The following CPNE3 variants were observed in gnomAD, a reference collection of about 807,000 sequenced individuals.
CPNE3 encodes the protein copine 3.
Under a neutral mutation model 63.9 loss-of-function variants are expected in CPNE3, and 68 were observed. That is an observed-to-expected ratio of 1.06 (90% CI 0.87 to 1.30). The LOEUF is 1.30. CPNE3 is among the 50% of genes most tolerant of loss of function. The probability of loss-of-function intolerance (pLI) is 0.00; values close to 1 mark genes in which losing one functional copy is unlikely to be tolerated. For synonymous variants in CPNE3, 219 were observed against 197.5 expected (o/e 1.11, Z -0.91); for missense variants, 665 against 578.1 (o/e 1.15, Z -1.54).
chr8:86,536,854 G>A (rs1820813824), intron 6 of CPNE3, among the ~76,000 whole-genome samples: 1 of 152,150 alleles, frequency 6.6e-6, no homozygotes, highest in Non-Finnish European at 1.5e-5. Flanking sequence ...GTATGTGTGT[G>A]GTTATGTGTG....
chr8:86,521,560 T>C (rs905008923), intron 2 of CPNE3: 1 of 152,186 alleles, frequency 6.6e-6, no homozygotes, highest in Non-Finnish European at 1.5e-5. Context: ...TGTTTACATC[T>C]ATGGAGTTTA....
At chr8:86,539,967 C>T (rs988863490) in intron 7 of CPNE3, among the ~76,000 whole-genome samples, 1 of 151,946 alleles carries the variant, frequency 6.6e-6, no homozygotes, top group Non-Finnish European at 1.5e-5. Context: ...GCCCAGCCAT[C>T]CTCTGTAGTT....
chr8:86,516,377 AG>A (rs1563682097), intron 2 of CPNE3, among the ~76,000 whole-genome samples: 1 of 152,210 alleles, frequency 6.6e-6, no homozygotes, highest in Admixed American at 6.5e-5. Flanking sequence ...AACACTTTAT[AG>A]ACAATGGTCT....
In CPNE3 at chr8:86,559,781, C is replaced by T. The variant is rs1246039571; in HGVS notation, c.*1371C>T. ...AAACTATGCATATCTATATATTGGC[C>T]AATTATCTTTAATAATTTACCTTTT... On this transcript the variant is annotated 3_prime_UTR_variant, in exon 17 of 17. Coordinates refer to ENST00000517490, the MANE Select transcript of CPNE3 (RefSeq NM_003909.5). The T allele has an allele frequency of 6.6e-6, 1 of 152,114 alleles. No homozygotes were observed. Among genetic ancestry groups the T allele is most frequent in the Non-Finnish European group, 1.5e-5 (1 of 68,028 alleles). 9.4% of individuals were successfully genotyped at this position (152,114 alleles called of 1,614,324 possible).
rs747157675 is a variant in CPNE3 at position 86,554,905 on chromosome 8, A to T, written c.1175A>T (p.Tyr392Phe). The change falls in exon 15 of 17, where the codon TAT (tyrosine) becomes TTT (phenylalanine). Residue 392 changes from tyrosine to phenylalanine, a missense_variant. Tyr to Phe is a conservative substitution (Grantham distance 22). Transcript: ENST00000517490. ...YRSCLPQIKLYGPTNFSPIIN... is the reference protein window; with the variant it reads ...YRSCLPQIKLFGPTNFSPIIN... ...TCTTGTCTTCCTCAGATAAAACTCT[A>T]TGGACCAACTAATTTTTCTCCAATC... 7 of 1,614,146 alleles carry T rather than the reference A, an allele frequency of 4.3e-6. No homozygotes were observed. The South Asian group carries it at 7.7e-5, about 18-fold the overall frequency.
chr8:86,550,564 G>A (rs1821151835), intron 12 of CPNE3, among the ~76,000 whole-genome samples: 1 of 152,290 alleles, frequency 6.6e-6, no homozygotes, highest in South Asian at 2.1e-4. Context: ...TTCATGTGAT[G>A]TTATATATTC....
intron 14 of CPNE3, among the ~76,000 whole-genome samples, chr8:86,553,187 G>T (rs1390521708): frequency 6.6e-6 from 1 of 151,630 alleles, no homozygotes; most frequent in African/African-American, 2.4e-5. Flanking sequence ...TTATACCTTT[G>T]TTACTACTGG....
chr8:86,550,583 G>A (rs1821152209), intron 12 of CPNE3, among the ~76,000 whole-genome samples: 1 of 152,112 alleles, frequency 6.6e-6, no homozygotes, highest in Admixed American at 6.5e-5. Context: ...TCGGTCCACT[G>A]TCCCTCTCCC....
chr8:86,550,478 G>A (rs913138086), intron 12 of CPNE3, among the ~76,000 whole-genome samples: 3 of 152,136 alleles, frequency 2.0e-5, no homozygotes, highest in African/African-American at 7.2e-5. Context: ...GTTCATTATG[G>A]TGTTTTATAA....
chr8:86,540,158 G>A (rs1003000913), intron 7 of CPNE3, 87 bp from the exon 8 acceptor site: 6 of 787,192 alleles, frequency 7.6e-6, no homozygotes, highest in East Asian at 7.6e-5. Flanking sequence ...AATGGTGAGA[G>A]TATAGCAAGA....
At chr8:86,548,518 A>G in intron 12 of CPNE3, 84 bp downstream of exon 12, 1 of 1,537,746 alleles carries the variant, frequency 6.5e-7, no homozygotes, top group Non-Finnish European at 8.9e-7. Context: ...TAGCACTCTG[A>G]TATAGGTGGT....
At chr8:86,520,267 G>A (rs2131421050) in intron 2 of CPNE3, among the ~76,000 whole-genome samples, 1 of 152,298 alleles carries the variant, frequency 6.6e-6, no homozygotes, top group South Asian at 2.1e-4. Context: ...GCTGAAGGCT[G>A]GGCGCAGTGG....
At chr8:86,537,384 C>T (rs967476468) in intron 6 of CPNE3, among the ~76,000 whole-genome samples, 179 bp from the exon 7 acceptor site, 1 of 152,170 alleles carries the variant, frequency 6.6e-6, no homozygotes, top group African/African-American at 2.4e-5. Flanking sequence ...TTTGATAATT[C>T]TCCCTAGTAG....
intron 12 of CPNE3, among the ~76,000 whole-genome samples, chr8:86,550,803 A>C (rs1382718420): frequency 6.6e-6 from 1 of 152,248 alleles, no homozygotes; most frequent in Admixed American, 6.5e-5. Flanking sequence ...TAAAACATGC[A>C]TGTAAACTCC....
chr8:86,531,064 C>G, intron 4 of CPNE3, 91 bp from the exon 5 acceptor site: 1 of 731,176 alleles, frequency 1.4e-6, no homozygotes, highest in Non-Finnish European at 2.5e-6. Flanking sequence ...TTAAGTGAAC[C>G]TTATACTCAG....
rs552695858 is a variant in CPNE3 at position 86,558,028 on chromosome 8, A to T, written c.1492-260A>T. On this transcript the variant is annotated intron_variant, in intron 16 of 16. Coordinates refer to ENST00000517490, the MANE Select transcript of CPNE3 (RefSeq NM_003909.5). Reference sequence around the variant, plus strand: ...CCACATTTAAAAGTTATAAAACAACAACAACAAAATCATCAAATGTTAGAA... The same window carrying T: ...CCACATTTAAAAGTTATAAAACAACTACAACAAAATCATCAAATGTTAGAA... 1.5e-3 allele frequency among the ~76,000 whole-genome samples: 230 copies of T among 152,362 alleles called. 1 individual carries two copies. The highest frequency in any genetic ancestry group is 5.3e-3 in the African/African-American group (222 of 41,582).
At position 86,528,679 on chromosome 8, in the gene CPNE3, T is replaced by A. The variant is rs1323902160; in HGVS notation, c.132+2T>A. The A allele has an allele frequency of 1.9e-6, 3 of 1,606,448 alleles. No homozygotes were observed. In the Admixed American group the frequency reaches 5.2e-5, roughly 28 times the overall value. ...ACAAGTGGTCAACAGTGGTATGAGG[T>A]AATGTCAAATACTTTACCTAAAAAG... On this transcript the variant is annotated splice_donor_variant, in intron 3 of 16. Coordinates refer to ENST00000517490, the MANE Select transcript of CPNE3 (RefSeq NM_003909.5). LOFTEE classifies it high-confidence loss of function.
chr8:86,552,864 A>G (rs1265896494), intron 14 of CPNE3, among the ~76,000 whole-genome samples: 2 of 139,306 alleles, frequency 1.4e-5, no homozygotes, highest in African/African-American at 2.6e-5. Context: ...TTCGAGACGA[A>G]GTCTTGCTCT....
intron 5 of CPNE3, among the ~76,000 whole-genome samples, 161 bp downstream of exon 5, chr8:86,531,390 T>C (rs1820681829): frequency 6.6e-6 from 1 of 152,140 alleles, no homozygotes; most frequent in South Asian, 2.1e-4. Context: ...AAATGGAAAA[T>C]GTATTGTGCA....
Sources: gnomAD v4.1 joint callset for allele counts (sites outside exome capture counted in the v4.1 genomes callset) on GRCh38, gnomAD v4.1.1 for gene constraint, MANE v1.5 for transcripts, NCBI Gene and HGNC (gene_info 2026-07-23, HGNC 2026-07-21) for gene names.